Variants in ZNF407 observed in about 807,000 individuals in gnomAD.
ZNF407 encodes zinc finger protein 407.
In ZNF407, 17 loss-of-function variants were observed where a neutral mutation model predicts 131.2. The observed-to-expected ratio is 0.13, with a 90% CI of 0.09 to 0.19. The LOEUF (loss-of-function observed/expected upper bound fraction) is 0.19, where lower values mean the gene tolerates loss of function less well. Among genes scored for constraint, ZNF407 ranks in the 10% least tolerant of loss-of-function variants. ZNF407 has a pLI of 1.00. For missense variants in ZNF407, 2,681 were observed against 2,830.6 expected, an observed-to-expected ratio of 0.95 and a Z score of 1.20; for synonymous variants, 1,156 against 1,062.0, an observed-to-expected ratio of 1.09 and a Z score of -1.72.
rs530585956 is a variant in ZNF407, at chr18:74,907,515, T to C, written c.5250-12999T>C. On this transcript the variant is annotated intron_variant, in intron 7 of 8. Transcript: ENST00000299687. The stretch of plus-strand genomic sequence containing the variant: ...GGCCTTGTTCTAACATCAGTAACCG[T>C]ACATGGTCGGGGAAATGGCTTCTCT... 2.0e-5 allele frequency among the ~76,000 whole-genome samples: 3 copies of C among 152,264 alleles called. No homozygotes were observed. The East Asian group carries it at 5.8e-4, about 29-fold the overall frequency.
At position 74,634,027 on chromosome 18, in the gene ZNF407, G is replaced by C; in HGVS notation, c.3008G>C (p.Gly1003Ala). 1 of 1,614,004 alleles carries C rather than the reference G, an allele frequency of 6.2e-7. No homozygotes were observed. Among genetic ancestry groups the C allele is most frequent in the Non-Finnish European group, 8.5e-7 (1 of 1,179,896 alleles). ...GAGCCAGAGGACTTCGCCCAGCCGG[G>C]GGATGTGTACTCCCAGAGAGATGTT... Reference protein sequence around the residue: ...SSEPEDFAQPGDVYSQRDVTG... With the variant: ...SSEPEDFAQPADVYSQRDVTG... Residue 1003 changes from glycine to alanine, a missense_variant, in exon 2 of 9, where the codon GGG (glycine) becomes GCG (alanine). Around this residue, in one of 6 missense-constraint regions of ZNF407, gnomAD observed 1,789 missense variants for 1,748.7 expected, o/e 1.02. Transcript: ENST00000299687.
rs1159635795 is a variant in ZNF407, at chr18:74,945,268, C to A, written c.5428+24576C>A. 6.6e-5 allele frequency among the ~76,000 whole-genome samples: 10 copies of A among 152,176 alleles called. No homozygotes were observed. The East Asian group carries it at 1.9e-3, about 29-fold the overall frequency. ...TTCTGCAAAAGATCTAATGAAAAGT[C>A]TTATGCTAAAAAAAAATCTATTTGG... On this transcript the variant is annotated intron_variant, in intron 8 of 8. Transcript: ENST00000299687.
chr18:74,724,214 A>G lies in ZNF407; in HGVS notation c.4803-57214A>G, dbSNP rs183372751. Among the ~76,000 whole-genome samples, 9 of 152,256 alleles carry G rather than the reference A, an allele frequency of 5.9e-5. No individual in the cohort carries two copies. The East Asian group carries it at 1.2e-3, about 20-fold the overall frequency. On this transcript the variant is annotated intron_variant, in intron 3 of 8. Transcript: ENST00000299687. ...TTTTGTTCAAATTTATTTTTAATTG[A>G]TGTAATAATTGTACATATTTGGGGA...
At chr18:74,961,461 G>A (rs1972342701) in intron 8 of ZNF407, among the ~76,000 whole-genome samples, 1 of 152,142 alleles carries the variant, frequency 6.6e-6, no homozygotes, top group Non-Finnish European at 1.5e-5. Context: ...GCTCACACCT[G>A]TAATTTCAGC....
chr18:74,697,834 C>T (rs986357029), intron 3 of ZNF407, among the ~76,000 whole-genome samples: 4 of 152,118 alleles, frequency 2.6e-5, no homozygotes, highest in African/African-American at 9.7e-5. Flanking sequence ...GTTAGAATTG[C>T]AATTTGCAGT....
chr18:74,791,992 T>A (rs1341178276), intron 4 of ZNF407, among the ~76,000 whole-genome samples: 2 of 152,342 alleles, frequency 1.3e-5, no homozygotes, highest in East Asian at 3.9e-4. Flanking sequence ...TTTATGGAGC[T>A]TTATATGGCA....
At chr18:74,919,242 G>A (rs141101614) in intron 7 of ZNF407, among the ~76,000 whole-genome samples, 2 of 152,290 alleles carry the variant, frequency 1.3e-5, no homozygotes, top group African/African-American at 2.4e-5. Flanking sequence ...CTTTGTGTGT[G>A]AGAGATAACA....
chr18:74,896,937 A>G (rs563995417), intron 7 of ZNF407, among the ~76,000 whole-genome samples: 1 of 151,992 alleles, frequency 6.6e-6, no homozygotes, highest in Non-Finnish European at 1.5e-5. Context: ...TTCTCTGCCC[A>G]TTTCATTAGT....
chr18:74,635,353 A>G lies in ZNF407; in HGVS notation c.4334A>G (p.His1445Arg). 1 of 1,614,014 alleles carries G rather than the reference A, an allele frequency of 6.2e-7. No individual in the cohort carries two copies. The highest frequency in any genetic ancestry group is 8.5e-7 in the Non-Finnish European group (1 of 1,179,892). ...MKHPTKEKHFHCLLCGKSFYT... is the reference protein window; with the variant it reads ...MKHPTKEKHFRCLLCGKSFYT... The stretch of plus-strand genomic sequence containing the variant: ...CATCCTACAAAAGAGAAGCACTTCC[A>G]TTGTTTACTCTGTGGAAAGTCGTTC... Residue 1445 changes from histidine (H) to arginine (R), a missense_variant, in exon 2 of 9, where the codon CAT (histidine) becomes CGT (arginine). Coordinates refer to ENST00000299687, the MANE Select transcript of ZNF407 (RefSeq NM_017757.3). The surrounding 1 kb of genome is among the most constrained non-coding windows in gnomAD (Gnocchi z 4.7).
chr18:74,616,990 G>GTA (rs1983328227), intron 1 of ZNF407, among the ~76,000 whole-genome samples: 2 of 2,916 alleles, frequency 6.9e-4, no homozygotes, highest in Admixed American at 3.6e-3. Context: ...CCATATCCAC[G>GTA]CACCACACGC....
intron 3 of ZNF407, among the ~76,000 whole-genome samples, chr18:74,743,644 AT>A (rs1192767865): frequency 1.3e-5 from 2 of 151,980 alleles, no homozygotes; most frequent in Non-Finnish European, 2.9e-5. Flanking sequence ...TCATACAGGT[AT>A]TTTTAATGGA....
intron 8 of ZNF407, among the ~76,000 whole-genome samples, chr18:74,964,824 A>G (rs1170508257): frequency 6.6e-6 from 1 of 152,194 alleles, no homozygotes; most frequent in Non-Finnish European, 1.5e-5. Flanking sequence ...CAGACAGTTG[A>G]TATCAGAAGC....
intron 8 of ZNF407, among the ~76,000 whole-genome samples, chr18:75,041,304 T>G (rs1973369518): frequency 6.6e-6 from 1 of 152,178 alleles, no homozygotes. Context: ...TCCTAAGTGA[T>G]TGCCAGTTAT....
chr18:74,867,221 C>T (rs1035476573), intron 4 of ZNF407, among the ~76,000 whole-genome samples: 4 of 152,098 alleles, frequency 2.6e-5, no homozygotes, highest in Admixed American at 6.5e-5. Context: ...TTATGATCAG[C>T]CGTGTTGTCT....
At chr18:74,980,849 C>T (rs1224623850) in intron 8 of ZNF407, among the ~76,000 whole-genome samples, 2 of 152,176 alleles carry the variant, frequency 1.3e-5, no homozygotes, top group South Asian at 2.1e-4. Flanking sequence ...CTGCCATCAC[C>T]GGCTCCGCTG....
At position 75,063,154 on chromosome 18, in the gene ZNF407, T is replaced by C; in HGVS notation, c.5433T>C (p.Ile1811=). The change falls in exon 9 of 9, where the codon ATT becomes ATC. Residue 1811 remains isoleucine (I), a synonymous_variant. Coordinates refer to ENST00000299687, the MANE Select transcript of ZNF407 (RefSeq NM_017757.3). The surrounding 1 kb of genome is among the most constrained non-coding windows in gnomAD (Gnocchi z 6.6). ...ACTGGTCCCTGTCTCCCTTAGGCAT[T>C]GTTTCCAAGTCGTACGAGTGCCGTC... ...NPDLAYLHAG[I]VSKSYECRLK... The C allele has an allele frequency of 6.4e-7, 1 of 1,572,074 alleles. No individual in the cohort carries two copies. Among genetic ancestry groups the C allele is most frequent in the Non-Finnish European group, 8.6e-7 (1 of 1,158,710 alleles).
intron 8 of ZNF407, among the ~76,000 whole-genome samples, chr18:74,953,581 CCT>C (rs1260601880): frequency 6.6e-6 from 1 of 152,156 alleles, no homozygotes; most frequent in African/African-American, 2.4e-5. Flanking sequence ...GAGCTCCCTG[CCT>C]CTGTGTCCTG....
At chr18:74,609,279 G>A (rs560616233) in intron 1 of ZNF407, among the ~76,000 whole-genome samples, 46 of 152,294 alleles carry the variant, frequency 3.0e-4, no homozygotes, top group African/African-American at 8.9e-4. Context: ...ACATTCTTGA[G>A]AAATGCCTCT....
chr18:75,017,656 T>C (rs1013816278), intron 8 of ZNF407, among the ~76,000 whole-genome samples: 2 of 152,158 alleles, frequency 1.3e-5, no homozygotes, highest in Non-Finnish European at 2.9e-5. Flanking sequence ...ACCACCAGTC[T>C]TCAAAATATA....
Sources: allele counts gnomAD v4.1 joint callset (sites outside exome capture counted in the v4.1 genomes callset), GRCh38; gene constraint gnomAD v4.1.1; regional missense constraint gnomAD v4.1.1; non-coding constraint Gnocchi (gnomAD v3.1); transcripts MANE v1.5; gene names NCBI Gene and HGNC (gene_info 2026-07-23, HGNC 2026-07-21).